Variants in AP3B1 observed in about 807,000 individuals in gnomAD.
AP3B1 encodes the protein AP-3 complex subunit beta-1.
Under a neutral mutation model 132.5 loss-of-function variants are expected in AP3B1, and 61 were observed. The observed-to-expected ratio is 0.46, with a 90% CI of 0.37 to 0.57. The LOEUF (loss-of-function observed/expected upper bound fraction) is 0.57, where lower values mean the gene tolerates loss of function less well. Ranked by LOEUF, AP3B1 falls within the 20% of genes least tolerant of loss-of-function variation. The pLI is 0.00. For missense variants in AP3B1, 1,120 were observed against 1,289.4 expected (o/e 0.87, Z 2.01); for synonymous variants, 388 against 438.3 (o/e 0.89, Z 1.43).
chr5:78,101,149 G>A, intron 20 of AP3B1, 124 bp from the exon 21 acceptor site: 1 of 610,316 alleles, frequency 1.6e-6, no homozygotes. Flanking sequence ...TTAAACTTCT[G>A]TATGGTTATA....
At chr5:78,096,159 C>T (rs928760127) in intron 21 of AP3B1, among the ~76,000 whole-genome samples, 2 of 152,202 alleles carry the variant, frequency 1.3e-5, no homozygotes, top group African/African-American at 4.8e-5. Flanking sequence ...GGCAGGCGCG[C>T]GCCGCCATGC....
chr5:78,180,040 G>C (rs985142166), intron 8 of AP3B1, among the ~76,000 whole-genome samples: 1 of 152,020 alleles, frequency 6.6e-6, no homozygotes, highest in African/African-American at 2.4e-5. Flanking sequence ...TGAACAGTGA[G>C]TCACTCATAA....
At chr5:78,085,408 TATAC>T (rs1325529404) in intron 22 of AP3B1, among the ~76,000 whole-genome samples, 1 of 152,182 alleles carries the variant, frequency 6.6e-6, no homozygotes, top group African/African-American at 2.4e-5. Context: ...TGAAGTAGAA[TATAC>T]ATAAAGTACA....
rs79622666 is a variant in AP3B1 at position 78,278,636 on chromosome 5, G to T, written c.129-11041C>A. Among the ~76,000 whole-genome samples the T allele has an allele frequency of 6.5e-5, 7 of 107,946 alleles. 1 individual carries two copies. The highest frequency in any genetic ancestry group is 6.6e-4 in the South Asian group (2 of 3,040). The allele number at this position is 107,946 out of a possible 152,430, so 70.8% of individuals were successfully genotyped here. Reference sequence around the variant, plus strand: ...AAAAAAAAAAAAAAAGGGGGGGGGGGACTAATTAATTATGAGGAACTATTA... The same window carrying T: ...AAAAAAAAAAAAAAAGGGGGGGGGGTACTAATTAATTATGAGGAACTATTA... On this transcript the variant is annotated intron_variant, in intron 1 of 26. Coordinates refer to ENST00000255194, the MANE Select transcript of AP3B1 (RefSeq NM_003664.5).
At chr5:78,038,038 T>C (rs1747875765) in intron 23 of AP3B1, among the ~76,000 whole-genome samples, 1 of 152,128 alleles carries the variant, frequency 6.6e-6, no homozygotes, top group Non-Finnish European at 1.5e-5. Flanking sequence ...TGACACTTTG[T>C]TGGAGAGACA....
chr5:78,284,067 C>T (rs763980410), intron 1 of AP3B1, among the ~76,000 whole-genome samples: 2 of 152,170 alleles, frequency 1.3e-5, no homozygotes, highest in Non-Finnish European at 2.9e-5. Flanking sequence ...TCTAAACCAG[C>T]AGTATCCAAT....
intron 14 of AP3B1, among the ~76,000 whole-genome samples, chr5:78,155,996 A>G (rs1388969518): frequency 6.6e-6 from 1 of 152,178 alleles, no homozygotes; most frequent in Non-Finnish European, 1.5e-5. Flanking sequence ...ATGCATATAT[A>G]CTCACCCAAC....
intron 14 of AP3B1, among the ~76,000 whole-genome samples, chr5:78,154,963 T>A (rs945137667): frequency 3.3e-5 from 5 of 152,182 alleles, no homozygotes; most frequent in African/African-American, 1.2e-4. Context: ...TGACGCCTTA[T>A]GTAGTTTGTT....
intron 7 of AP3B1, among the ~76,000 whole-genome samples, chr5:78,185,953 T>TA (rs1441028756): frequency 6.6e-6 from 1 of 152,114 alleles, no homozygotes; most frequent in Non-Finnish European, 1.5e-5. Flanking sequence ...GATGGAATTC[T>TA]AAAAAATGTT....
At chr5:78,050,976 A>G (rs1024129544) in intron 22 of AP3B1, among the ~76,000 whole-genome samples, 1 of 152,188 alleles carries the variant, frequency 6.6e-6, no homozygotes, top group Non-Finnish European at 1.5e-5. Context: ...TTTACACAGC[A>G]TATGTTTAAA....
intron 2 of AP3B1, among the ~76,000 whole-genome samples, chr5:78,249,606 C>T (rs1490921834): frequency 7.8e-5 from 9 of 115,172 alleles, no homozygotes; most frequent in African/African-American, 2.7e-4. Flanking sequence ...TTTTTTGAGA[C>T]AGAGTCTTGC....
intron 22 of AP3B1, among the ~76,000 whole-genome samples, chr5:78,084,343 T>C (rs252760): frequency 0.24 from 36,540 of 150,734 alleles, 4,639 homozygotes; most frequent in Admixed American, 0.31. Context: ...AATTAGCCAA[T>C]AAATTAGCCA....
At chr5:78,202,206 C>T (rs1561474250) in intron 7 of AP3B1, among the ~76,000 whole-genome samples, 1 of 152,168 alleles carries the variant, frequency 6.6e-6, no homozygotes, top group Non-Finnish European at 1.5e-5. Context: ...GATTGTAAGG[C>T]CTCCCCAGCC....
intron 22 of AP3B1, among the ~76,000 whole-genome samples, chr5:78,080,919 C>G (rs954949595): frequency 2.0e-5 from 3 of 152,176 alleles, no homozygotes; most frequent in Non-Finnish European, 4.4e-5. Flanking sequence ...GGTACCGTCT[C>G]TCTTTGATAC....
At position 78,228,343 on chromosome 5, in the gene AP3B1, T is replaced by C. The variant is rs572764682; in HGVS notation, c.280-104A>G. 2.1e-5 allele frequency: 15 copies of C among 720,692 alleles called. No individual in the cohort carries two copies. In the South Asian group the frequency reaches 2.3e-4, roughly 11 times the overall value. 44.6% of individuals were successfully genotyped at this position (720,692 alleles called of 1,614,324 possible). The stretch of plus-strand genomic sequence containing the variant: ...AATTCTTCTCAAGTAAATAACTGAA[T>C]CTGGTCACATGTTAGATTGTAAAAT... On this transcript the variant is annotated intron_variant, in intron 3 of 26. Coordinates refer to ENST00000255194, the MANE Select transcript of AP3B1 (RefSeq NM_003664.5).
At chr5:78,056,359 G>A (rs1460329370) in intron 22 of AP3B1, among the ~76,000 whole-genome samples, 8 of 152,150 alleles carry the variant, frequency 5.3e-5, no homozygotes, top group African/African-American at 1.9e-4. Flanking sequence ...AGGATCAAAT[G>A]AGACCATATA....
chr5:78,225,999 T>C (rs1312079012), intron 5 of AP3B1, among the ~76,000 whole-genome samples: 1 of 151,950 alleles, frequency 6.6e-6, no homozygotes, highest in African/African-American at 2.4e-5. Flanking sequence ...CAAAAACAAA[T>C]ATGGAGAATT....
intron 2 of AP3B1, among the ~76,000 whole-genome samples, chr5:78,265,096 T>C (rs997303606): frequency 6.6e-6 from 1 of 152,154 alleles, no homozygotes; most frequent in African/African-American, 2.4e-5. Context: ...GAAAAAATAA[T>C]AAAAATCAAT....
intron 22 of AP3B1, among the ~76,000 whole-genome samples, chr5:78,081,914 A>G (rs1236428985): frequency 3.6e-5 from 5 of 137,474 alleles, no homozygotes; most frequent in Non-Finnish European, 5.9e-5. Context: ...AAAAAAAAAA[A>G]CAGTTATAAT....
Sources: gnomAD v4.1 joint callset for allele counts (sites outside exome capture counted in the v4.1 genomes callset) on GRCh38, gnomAD v4.1.1 for gene constraint, MANE v1.5 for transcripts, NCBI Gene and HGNC (gene_info 2026-07-23, HGNC 2026-07-21) for gene names.